The following APBB2 variants were observed in gnomAD, a reference collection of about 807,000 sequenced individuals.
APBB2 encodes Fe65-like 1.
Under a neutral mutation model 82.5 loss-of-function variants are expected in APBB2, and 38 were observed. The ratio of observed to expected loss-of-function variants is 0.46; its 90% CI spans 0.36 to 0.60. The LOEUF (loss-of-function observed/expected upper bound fraction) is 0.60, where lower values mean the gene tolerates loss of function less well. APBB2 is among the 20% of genes least tolerant of loss of function. The pLI, the probability that APBB2 is intolerant of heterozygous loss-of-function variation, is 0.00. For synonymous variants in APBB2, 341 were observed against 368.2 expected, an observed-to-expected ratio of 0.93 and a Z score of 0.85; for missense variants, 772 against 972.3, an observed-to-expected ratio of 0.79 and a Z score of 2.74.
intron 5 of APBB2, among the ~76,000 whole-genome samples, chr4:41,019,450 G>A (rs573300246): frequency 3.3e-5 from 5 of 152,222 alleles, no homozygotes; most frequent in African/African-American, 7.2e-5. Flanking sequence ...ACACAAAACC[G>A]AGCAAAAGCG....
intron 6 of APBB2, among the ~76,000 whole-genome samples, chr4:40,973,000 T>A (rs1240752126): frequency 2.0e-5 from 3 of 152,244 alleles, no homozygotes; most frequent in African/African-American, 7.2e-5. Flanking sequence ...GAACCAGTGG[T>A]ATGTACAATA....
intron 12 of APBB2, among the ~76,000 whole-genome samples, chr4:40,843,562 G>A (rs914874551): frequency 6.6e-6 from 1 of 152,212 alleles, no homozygotes; most frequent in African/African-American, 2.4e-5. Flanking sequence ...ATGGAAAGAG[G>A]ATTATGGAGG....
intron 12 of APBB2, among the ~76,000 whole-genome samples, chr4:40,869,122 G>T (rs1234030924): frequency 6.6e-6 from 1 of 151,918 alleles, no homozygotes; most frequent in African/African-American, 2.4e-5. Context: ...TCCACCTCCC[G>T]GGTTCAAGTG....
intron 6 of APBB2, among the ~76,000 whole-genome samples, chr4:40,984,813 A>T (rs1799982978): frequency 6.6e-6 from 1 of 152,232 alleles, no homozygotes; most frequent in African/African-American, 2.4e-5. Flanking sequence ...TGGGGAGTAC[A>T]TGAAATTAAT....
At chr4:40,858,044 C>T (rs1014966163) in intron 12 of APBB2, among the ~76,000 whole-genome samples, 14 of 152,188 alleles carry the variant, frequency 9.2e-5, no homozygotes, top group Non-Finnish European at 1.9e-4. Context: ...TTTTAAGACA[C>T]CTTTTGTTTA....
intron 3 of APBB2, among the ~76,000 whole-genome samples, chr4:41,070,164 C>T (rs993954730): frequency 1.3e-5 from 2 of 152,122 alleles, no homozygotes; most frequent in Non-Finnish European, 2.9e-5. Context: ...AACCAAGTCT[C>T]GCTTCCTTGA....
At chr4:40,881,143 A>G in intron 12 of APBB2, 1 of 985,480 alleles carries the variant, frequency 1.0e-6, no homozygotes, top group Non-Finnish European at 1.2e-6. Context: ...AAAACGGTCA[A>G]GTAAATCGTG....
chr4:41,156,170 T>C (rs1763395321), intron 1 of APBB2, among the ~76,000 whole-genome samples: 1 of 149,892 alleles, frequency 6.7e-6, no homozygotes. Flanking sequence ...AACCCTCTAC[T>C]AGAAAAAATG....
At chr4:40,948,890 C>CAAAAAAAAAAAAAAAAAAAAAAA (rs59172492) in intron 6 of APBB2, among the ~76,000 whole-genome samples, 7 of 101,580 alleles carry the variant, frequency 6.9e-5, no homozygotes, top group African/African-American at 2.8e-4. Context: ...ATCCTGTCTC[C>CAAAAAAAAAAAAAAAAAAAAAAA]AAAAAAAAAA....
intron 5 of APBB2, among the ~76,000 whole-genome samples, chr4:41,016,383 C>T (rs1403236290): frequency 3.3e-5 from 5 of 152,170 alleles, no homozygotes; most frequent in East Asian, 1.9e-4. Context: ...TAGCCACAGC[C>T]GGGTGCGGTG....
At chr4:41,154,454 G>T (rs1384146073) in intron 1 of APBB2, among the ~76,000 whole-genome samples, 2 of 152,138 alleles carry the variant, frequency 1.3e-5, no homozygotes, top group African/African-American at 4.8e-5. Flanking sequence ...ATATGGCATT[G>T]TTTTTCTGAA....
chr4:41,058,272 C>T (rs1340652044), intron 4 of APBB2, among the ~76,000 whole-genome samples: 2 of 149,260 alleles, frequency 1.3e-5, no homozygotes, highest in Non-Finnish European at 1.5e-5. Flanking sequence ...CTGGAAGTAG[C>T]GAATTACAAG....
At position 40,832,029 on chromosome 4, in the gene APBB2, C is replaced by T. The variant is rs1282310512; in HGVS notation, c.1530-1452G>A. ...TTATTTATATACACACACACACACA[C>T]ACACACACACACACACACACACATA... On this transcript the variant is annotated intron_variant, in intron 12 of 17. Transcript: ENST00000508593. The surrounding 1 kb of genome is among the most constrained non-coding windows in gnomAD (Gnocchi z 4.8). Among the ~76,000 whole-genome samples the T allele has an allele frequency of 9.2e-5, 14 of 151,682 alleles. No homozygotes were observed. The highest frequency in any genetic ancestry group is 3.9e-4 in the East Asian group (2 of 5,180).
intron 12 of APBB2, among the ~76,000 whole-genome samples, chr4:40,860,871 A>T (rs1180108158): frequency 1.3e-5 from 2 of 152,124 alleles, no homozygotes; most frequent in African/African-American, 4.8e-5. Flanking sequence ...ATGCCTACTT[A>T]TGAGTTAAGG....
In APBB2 at chr4:40,985,782, A is replaced by G. The variant is rs565603621; in HGVS notation, c.835+27801T>C. Among the ~76,000 whole-genome samples the G allele has an allele frequency of 5.9e-5, 9 of 152,344 alleles. No individual in the cohort carries two copies. The South Asian group carries it at 1.9e-3, about 32-fold the overall frequency. Reference sequence around the variant, plus strand: ...AACAACAGAAAGATAATGACACAAAATTATCCAAATTTGAGTTAGAACAAA... The same window carrying G: ...AACAACAGAAAGATAATGACACAAAGTTATCCAAATTTGAGTTAGAACAAA... On this transcript the variant is annotated intron_variant, in intron 6 of 17. Coordinates refer to ENST00000508593, the MANE Select transcript of APBB2 (RefSeq NM_004307.2).
chr4:41,199,909 T>C (rs2154075544), intron 1 of APBB2, among the ~76,000 whole-genome samples: 1 of 152,356 alleles, frequency 6.6e-6, no homozygotes, highest in Non-Finnish European at 1.5e-5. Context: ...ATTTCCTCTG[T>C]ATGCTAGAAA....
chr4:41,127,303 C>T lies in APBB2; in HGVS notation c.-261+15684G>A, dbSNP rs1417623228. Among the ~76,000 whole-genome samples the T allele has an allele frequency of 6.6e-6, 1 of 152,148 alleles. No individual in the cohort carries two copies. Among genetic ancestry groups the T allele is most frequent in the Non-Finnish European group, 1.5e-5 (1 of 68,016 alleles). Reference sequence around the variant, plus strand: ...TTTCTAAGCACCAGTTGCCAGTCCACATTTTATAAGCATTTGTACTGCGAC... The same window carrying T: ...TTTCTAAGCACCAGTTGCCAGTCCATATTTTATAAGCATTTGTACTGCGAC... On this transcript the variant is annotated intron_variant, in intron 2 of 17. Coordinates refer to ENST00000508593, the MANE Select transcript of APBB2 (RefSeq NM_004307.2). The surrounding 1 kb of genome is among the most constrained non-coding windows in gnomAD (Gnocchi z 4.8).
intron 4 of APBB2, among the ~76,000 whole-genome samples, chr4:41,053,665 C>T (rs1047680387): frequency 6.6e-6 from 1 of 152,128 alleles, no homozygotes; most frequent in Non-Finnish European, 1.5e-5. Flanking sequence ...TAAATACACA[C>T]AATATAGTTC....
chr4:40,964,806 C>G (rs375762307), intron 6 of APBB2, among the ~76,000 whole-genome samples: 10 of 102,066 alleles, frequency 9.8e-5, no homozygotes, highest in African/African-American at 3.2e-4. Flanking sequence ...TAGTTTTGAA[C>G]AAAAAGTTAC....
Sources: allele counts gnomAD v4.1 joint callset (sites outside exome capture counted in the v4.1 genomes callset), GRCh38; gene constraint gnomAD v4.1.1; non-coding constraint Gnocchi (gnomAD v3.1); transcripts MANE v1.5; gene names NCBI Gene and HGNC (gene_info 2026-07-23, HGNC 2026-07-21).